Variants in SPTLC1 observed in about 807,000 individuals in gnomAD.
SPTLC1 encodes serine palmitoyltransferase 1.
Under a neutral mutation model 68.9 loss-of-function variants are expected in SPTLC1, and 55 were observed. The observed-to-expected ratio is 0.80, with a 90% CI of 0.64 to 1.00. SPTLC1 has a LOEUF of 1.00. Ranked by LOEUF, SPTLC1 falls within the 50% of genes least tolerant of loss-of-function variation. The probability of loss-of-function intolerance (pLI) is 0.00; values close to 1 mark genes in which losing one functional copy is unlikely to be tolerated. For synonymous variants in SPTLC1, 197 were observed against 201.6 expected, an observed-to-expected ratio of 0.98 and a Z score of 0.19; for missense variants, 449 against 573.1, an observed-to-expected ratio of 0.78 and a Z score of 2.21.
At chr9:92,105,437 G>A (rs1379396075) in intron 3 of SPTLC1, 20 of 1,365,790 alleles carry the variant, frequency 1.5e-5, no homozygotes, top group Middle Eastern at 2.5e-4. Flanking sequence ...CAGGCGTGGT[G>A]GCCCACGCCT....
intron 6 of SPTLC1, among the ~76,000 whole-genome samples, chr9:92,060,367 T>C (rs1030926322): frequency 6.6e-6 from 1 of 152,132 alleles, no homozygotes; most frequent in Non-Finnish European, 1.5e-5. Flanking sequence ...GACAGAGATA[T>C]CAAGATTATC....
At chr9:92,069,923 C>G (rs1834421674) in intron 5 of SPTLC1, among the ~76,000 whole-genome samples, 1 of 152,224 alleles carries the variant, frequency 6.6e-6, no homozygotes, top group African/African-American at 2.4e-5. Context: ...GACTTCTTAG[C>G]TCTAAATGAC....
At chr9:92,084,925 T>G (rs1163296081) in intron 3 of SPTLC1, among the ~76,000 whole-genome samples, 2 of 152,240 alleles carry the variant, frequency 1.3e-5, no homozygotes. Flanking sequence ...CAGAGCTTGT[T>G]ATTGGTCTAT....
In SPTLC1 at chr9:92,045,993, A is replaced by G. The variant is rs541932144; in HGVS notation, c.1136+6T>C. On this transcript the variant is annotated splice_donor_region_variant and intron_variant, in intron 12 of 14. Coordinates refer to ENST00000262554, the MANE Select transcript of SPTLC1 (RefSeq NM_006415.4). ...TTTATGTTGGTTGAAAATATATAAA[A>G]CTCACCCTTGTAAAGCTTTATGAAT... The G allele has an allele frequency of 9.3e-6, 15 of 1,610,702 alleles. No individual in the cohort carries two copies. In the East Asian group the frequency reaches 2.9e-4, roughly 31 times the overall value.
intron 9 of SPTLC1, among the ~76,000 whole-genome samples, chr9:92,049,081 G>A (rs34332001): frequency 7.9e-5 from 12 of 152,050 alleles, no homozygotes; most frequent in Non-Finnish European, 1.6e-4. Context: ...TTACCTCCTC[G>A]GTGCATGTAA....
intron 7 of SPTLC1, among the ~76,000 whole-genome samples, chr9:92,056,377 C>T (rs549871056): frequency 2.0e-5 from 3 of 152,220 alleles, no homozygotes; most frequent in East Asian, 3.9e-4. Flanking sequence ...TACAGGCACC[C>T]GCCACCACGC....
At chr9:92,052,752 G>A (rs563245407) in intron 8 of SPTLC1, among the ~76,000 whole-genome samples, 5 of 151,732 alleles carry the variant, frequency 3.3e-5, no homozygotes, top group East Asian at 1.9e-4. Context: ...GGCTGGTCTC[G>A]AACTCCTGAC....
intron 12 of SPTLC1, among the ~76,000 whole-genome samples, chr9:92,045,524 T>TAAAAAAAAAA (rs71362367): frequency 3.2e-5 from 1 of 31,636 alleles, no homozygotes; most frequent in East Asian, 1.2e-3. Context: ...TCTTGTGTAG[T>TAAAAAAAAAA]AAAAAAAAAA....
At chr9:92,094,793 T>C (rs1835473926) in intron 3 of SPTLC1, among the ~76,000 whole-genome samples, 2 of 152,334 alleles carry the variant, frequency 1.3e-5, no homozygotes, top group South Asian at 4.1e-4. Flanking sequence ...TCTGCAGGTC[T>C]GGCCATTTCT....
intron 5 of SPTLC1, chr9:92,076,878 T>C (rs1003348813): frequency 6.6e-6 from 1 of 152,120 alleles, no homozygotes; most frequent in Admixed American, 6.5e-5. Context: ...GCCACTGCAG[T>C]TATTTCCTTC....
chr9:92,046,189 AC>A, intron 11 of SPTLC1, 136 bp from the exon 12 acceptor site: 1 of 795,966 alleles, frequency 1.3e-6, no homozygotes, highest in Non-Finnish European at 2.1e-6. Context: ...AGAGCCAAGA[AC>A]CCATACTCCC....
chr9:92,113,487 A>C (rs186371006), intron 1 of SPTLC1, among the ~76,000 whole-genome samples: 14 of 152,342 alleles, frequency 9.2e-5, no homozygotes, highest in Admixed American at 8.5e-4. Context: ...GAAATGTTAC[A>C]TACAGGAGTT....
intron 1 of SPTLC1, 159 bp downstream of exon 1, chr9:92,115,155 T>A: frequency 2.4e-6 from 1 of 411,376 alleles, no homozygotes; most frequent in Non-Finnish European, 4.8e-6. Context: ...ACTCAACCGC[T>A]GGGACTAGAA....
intron 2 of SPTLC1, chr9:92,110,337 T>C (rs1411016511): frequency 6.6e-6 from 1 of 152,224 alleles, no homozygotes; most frequent in Non-Finnish European, 1.5e-5. Context: ...AAATTCTTTC[T>C]AGTAGCCATC....
At chr9:92,041,355 C>T (rs969616445) in intron 12 of SPTLC1, among the ~76,000 whole-genome samples, 35 of 152,004 alleles carry the variant, frequency 2.3e-4, no homozygotes, top group African/African-American at 8.4e-4. Context: ...ATGTAAGAAG[C>T]TGAAGAAGAG....
chr9:92,095,524 G>T (rs1835498781), intron 3 of SPTLC1, among the ~76,000 whole-genome samples: 1 of 152,130 alleles, frequency 6.6e-6, no homozygotes. Flanking sequence ...ATATGTAGCA[G>T]TCAAAAGAAA....
At chr9:92,035,521 T>C (rs1587900829) in intron 13 of SPTLC1, among the ~76,000 whole-genome samples, 1 of 152,086 alleles carries the variant, frequency 6.6e-6, no homozygotes, top group Non-Finnish European at 1.5e-5. Flanking sequence ...CAGAGCAAGG[T>C]AATAGGCTAC....
chr9:92,070,893 T>C (rs1834456828), intron 5 of SPTLC1, among the ~76,000 whole-genome samples: 1 of 152,194 alleles, frequency 6.6e-6, no homozygotes, highest in Non-Finnish European at 1.5e-5. Context: ...AATAAAGCTA[T>C]GTGAATTCTG....
At chr9:92,095,904 C>T (rs1835511124) in intron 3 of SPTLC1, among the ~76,000 whole-genome samples, 1 of 152,192 alleles carries the variant, frequency 6.6e-6, no homozygotes, top group Non-Finnish European at 1.5e-5. Context: ...ACGGGAAAGG[C>T]CGACAACAGG....
Sources: allele counts gnomAD v4.1 joint callset (sites outside exome capture counted in the v4.1 genomes callset), GRCh38; gene constraint gnomAD v4.1.1; transcripts MANE v1.5; gene names NCBI Gene and HGNC (gene_info 2026-07-23, HGNC 2026-07-21).